The following EGFR variants were observed in gnomAD, a reference collection of about 807,000 sequenced individuals.
EGFR encodes avian erythroblastic leukemia viral (v-erb-b) oncogene homolog.
EGFR carries 58 observed loss-of-function variants against 143.0 expected under a neutral mutation model. The observed-to-expected ratio is 0.41, with a 90% CI of 0.33 to 0.50. The LOEUF is 0.50. EGFR is among the 20% of genes least tolerant of loss of function. The pLI, the probability that EGFR is intolerant of heterozygous loss-of-function variation, is 0.39. For missense variants in EGFR, 1,307 were observed against 1,579.0 expected (o/e 0.83, Z 2.92); for synonymous variants, 613 against 594.4 (o/e 1.03, Z -0.45).
At chr7:55,091,006 C>T (rs1293443720) in intron 1 of EGFR, among the ~76,000 whole-genome samples, 1 of 152,224 alleles carries the variant, frequency 6.6e-6, no homozygotes, top group Admixed American at 6.5e-5. Flanking sequence ...CTCCGGGGGT[C>T]AGGCACTGTG....
At chr7:55,108,906 G>A (rs1485128945) in intron 1 of EGFR, among the ~76,000 whole-genome samples, 1 of 152,212 alleles carries the variant, frequency 6.6e-6, no homozygotes, top group East Asian at 1.9e-4. Flanking sequence ...CCTCAACACA[G>A]GCTGGGCAAG....
intron 1 of EGFR, among the ~76,000 whole-genome samples, chr7:55,117,608 A>G (rs7779644): frequency 0.73 from 110,807 of 151,954 alleles, 40,500 homozygotes; most frequent in Middle Eastern, 0.82. Flanking sequence ...TCTCTGTTAT[A>G]AAAAATAATC....
intron 22 of EGFR, among the ~76,000 whole-genome samples, chr7:55,193,221 G>T (rs1409890278): frequency 6.6e-6 from 1 of 152,138 alleles, no homozygotes; most frequent in South Asian, 2.1e-4. Flanking sequence ...GAATAGTTCC[G>T]GTAGAGAAAT....
intron 24 of EGFR, 163 bp downstream of exon 24, chr7:55,200,576 G>A (rs1042440930): frequency 5.4e-6 from 4 of 734,118 alleles, no homozygotes; most frequent in Middle Eastern, 3.1e-4. Context: ...AGGCCACATC[G>A]TGAACTAAGC....
At chr7:55,145,318 T>C (rs1246487583) in intron 3 of EGFR, among the ~76,000 whole-genome samples, 1 of 152,234 alleles carries the variant, frequency 6.6e-6, no homozygotes, top group African/African-American at 2.4e-5. Flanking sequence ...CATCCACCTG[T>C]GCATGGCTTT....
intron 1 of EGFR, among the ~76,000 whole-genome samples, chr7:55,054,151 C>T (rs1788652724): frequency 6.6e-6 from 1 of 152,206 alleles, no homozygotes; most frequent in Non-Finnish European, 1.5e-5. Flanking sequence ...AGGCTCCCCA[C>T]CCGCCTTCTT....
intron 1 of EGFR, among the ~76,000 whole-genome samples, chr7:55,019,804 G>A (rs1279210068): frequency 6.6e-6 from 1 of 152,186 alleles, no homozygotes; most frequent in Non-Finnish European, 1.5e-5. Context: ...GCGCACCCGA[G>A]GGGCGGGCGC....
chr7:55,145,346 G>A (rs561081064), intron 3 of EGFR, among the ~76,000 whole-genome samples: 5 of 152,262 alleles, frequency 3.3e-5, no homozygotes, highest in East Asian at 1.9e-4. Context: ...GTGTTTTCAC[G>A]GATGGTTCTG....
At chr7:55,039,755 T>C (rs527451636) in intron 1 of EGFR, among the ~76,000 whole-genome samples, 152 of 152,314 alleles carry the variant, frequency 1.0e-3, no homozygotes, top group African/African-American at 3.5e-3. Flanking sequence ...GCTGTCACAG[T>C]GGCTGCAAAG....
At chr7:55,047,971 TAA>T (rs1168641335) in intron 1 of EGFR, among the ~76,000 whole-genome samples, 2 of 152,210 alleles carry the variant, frequency 1.3e-5, no homozygotes, top group African/African-American at 2.4e-5. Flanking sequence ...TATAAATATA[TAA>T]GTGAAAAAAT....
chr7:55,170,301 C>G, intron 15 of EGFR: 1 of 1,614,142 alleles, frequency 6.2e-7, no homozygotes, highest in Non-Finnish European at 8.5e-7. Context: ...GTCCATCTTT[C>G]TCCAGGCCAG....
chr7:55,171,025 A>G, intron 15 of EGFR, 150 bp from the exon 16 acceptor site: 1 of 1,493,434 alleles, frequency 6.7e-7, no homozygotes, highest in Non-Finnish European at 8.9e-7. Flanking sequence ...TAAATAATTA[A>G]CCACCAATCC....
intron 20 of EGFR, among the ~76,000 whole-genome samples, chr7:55,190,331 A>G (rs908455233): frequency 1.3e-5 from 2 of 152,164 alleles, no homozygotes; most frequent in Admixed American, 6.5e-5. Context: ...GTGTCAGGCA[A>G]GCGTCTCTTT....
At chr7:55,082,842 GTCTC>G (rs990708545) in intron 1 of EGFR, among the ~76,000 whole-genome samples, 4 of 152,198 alleles carry the variant, frequency 2.6e-5, no homozygotes, top group Non-Finnish European at 5.9e-5. Flanking sequence ...TGTCAGTAGA[GTCTC>G]TCTCTCTGAA....
At chr7:55,106,146 A>G (rs747231176) in intron 1 of EGFR, among the ~76,000 whole-genome samples, 3 of 152,238 alleles carry the variant, frequency 2.0e-5, no homozygotes, top group Admixed American at 6.5e-5. Flanking sequence ...ACTCACAGCC[A>G]CTGCTATTCC....
intron 20 of EGFR, among the ~76,000 whole-genome samples, chr7:55,185,212 A>G (rs1459061504): frequency 1.3e-5 from 2 of 152,210 alleles, no homozygotes; most frequent in East Asian, 3.8e-4. Context: ...AGACCATGAG[A>G]GAGACATCCC....
intron 7 of EGFR, among the ~76,000 whole-genome samples, chr7:55,155,260 G>A (rs928180820): frequency 3.9e-5 from 6 of 152,182 alleles, no homozygotes; most frequent in Non-Finnish European, 7.3e-5. Context: ...TGGCCAACAG[G>A]GTGAAACCTC....
At chr7:55,190,951 C>G (rs971491396) in intron 20 of EGFR, among the ~76,000 whole-genome samples, 6 of 152,182 alleles carry the variant, frequency 3.9e-5, no homozygotes, top group Non-Finnish European at 8.8e-5. Flanking sequence ...GTGACCCCAG[C>G]AGCCAGCAGG....
chr7:55,162,926 A>G (rs1785779551), intron 13 of EGFR, among the ~76,000 whole-genome samples: 1 of 152,250 alleles, frequency 6.6e-6, no homozygotes, highest in South Asian at 2.1e-4. Context: ...AACTAGCTGG[A>G]ATTACAGGTG....
Sources: gnomAD v4.1 joint callset for allele counts (sites outside exome capture counted in the v4.1 genomes callset) on GRCh38, gnomAD v4.1.1 for gene constraint, MANE v1.5 for transcripts, NCBI Gene and HGNC (gene_info 2026-07-23, HGNC 2026-07-21) for gene names.